SPTBN1: variants seen among roughly 807,000 people sequenced by gnomAD.
The protein encoded by SPTBN1 is spectrin beta, non-erythrocytic 1, also known as spectrin beta chain, non-erythrocytic 1.
A neutral mutation model predicts 266.4 loss-of-function variants in SPTBN1; 32 were observed. The observed-to-expected ratio is 0.12, with a 90% CI of 0.09 to 0.16. The LOEUF is 0.16. SPTBN1 is among the 10% of genes least tolerant of loss of function. The pLI, the probability that SPTBN1 is intolerant of heterozygous loss-of-function variation, is 1.00. For synonymous variants in SPTBN1, 1,336 were observed against 1,162.2 expected, an observed-to-expected ratio of 1.15 and a Z score of -3.04; for missense variants, 2,296 against 3,067.1, an observed-to-expected ratio of 0.75 and a Z score of 5.94.
Position 54,558,741 on chromosome 2 carries a change from T to A in SPTBN1, c.148+32175T>A. 3 of 1,597,452 alleles carry A rather than the reference T, an allele frequency of 1.9e-6. No homozygotes were observed. The highest frequency in any genetic ancestry group is 2.6e-6 in the Non-Finnish European group (3 of 1,168,752). On this transcript the variant is annotated intron_variant, in intron 2 of 35. Transcript: ENST00000356805. This position sits in a 1 kb window ranked among gnomAD's most constrained non-coding sequence, Gnocchi z 4.6. ...AGTGGGAGGGGGCTGGAGCGAGATT[T>A]CCAGGGCGCAGTCCTCCGGGGCGTT...
intron 2 of SPTBN1, among the ~76,000 whole-genome samples, chr2:54,592,935 T>C (rs552643931): frequency 6.6e-6 from 1 of 152,322 alleles, no homozygotes; most frequent in South Asian, 2.1e-4. Flanking sequence ...GCATCCCACC[T>C]ACCTAATAGT....
intron 2 of SPTBN1, among the ~76,000 whole-genome samples, chr2:54,594,883 G>C (rs920232042): frequency 7.7e-6 from 1 of 130,032 alleles, no homozygotes; most frequent in African/African-American, 3.4e-5. Context: ...TGCCAAGGCT[G>C]GAGTGCAATG....
rs560371704 is a variant in SPTBN1 at position 54,629,910 on chromosome 2, A to G, written c.2688A>G (p.Pro896=). The G allele has an allele frequency of 4.1e-4, 665 of 1,614,100 alleles. 4 individuals are homozygous for G. In the South Asian group the frequency reaches 6.8e-3, roughly 16 times the overall value. ...ATTTCAGATTTGAGAGCCTAGAACCAGAAATGAACAACCAGGCTTCCCGGG... is the reference window on the plus strand; with the variant it reads ...ATTTCAGATTTGAGAGCCTAGAACCGGAAATGAACAACCAGGCTTCCCGGG... ...VIQHRFESLE[P]EMNNQASRVA... Residue 896 remains proline, a synonymous_variant, in exon 15 of 36, where the codon CCA becomes CCG. Transcript: ENST00000356805.
intron 1 of SPTBN1, among the ~76,000 whole-genome samples, chr2:54,481,841 C>G (rs1461089579): frequency 2.6e-5 from 4 of 152,150 alleles, no homozygotes; most frequent in Non-Finnish European, 2.9e-5. Flanking sequence ...TAACTGGTAA[C>G]TTTCCAGAAA....
intron 1 of SPTBN1, among the ~76,000 whole-genome samples, chr2:54,520,972 A>G (rs1442463511): frequency 6.6e-6 from 1 of 152,076 alleles, no homozygotes; most frequent in Non-Finnish European, 1.5e-5. Flanking sequence ...GAGTTCCAAG[A>G]TGGCCAAGCC....
chr2:54,657,664 C>T (rs1389279063), intron 29 of SPTBN1, among the ~76,000 whole-genome samples, 186 bp from the exon 30 acceptor site: 1 of 152,110 alleles, frequency 6.6e-6, no homozygotes, highest in African/African-American at 2.4e-5. Flanking sequence ...AATGTGGCTA[C>T]TGGAAAAGTC....
intron 34 of SPTBN1, among the ~76,000 whole-genome samples, chr2:54,666,442 C>A (rs992819662): frequency 2.0e-5 from 3 of 152,226 alleles, no homozygotes; most frequent in African/African-American, 7.2e-5. Context: ...TTCAGCTTAT[C>A]CCGACCCAGG....
At chr2:54,621,579 T>A in intron 8 of SPTBN1, 67 bp downstream of exon 8, 1 of 1,346,140 alleles carries the variant, frequency 7.4e-7, no homozygotes, top group Admixed American at 1.7e-5. Flanking sequence ...CATTCTCCCA[T>A]GCACTCATAA....
intron 30 of SPTBN1, 75 bp downstream of exon 30, chr2:54,658,121 G>C: frequency 6.5e-7 from 1 of 1,534,196 alleles, no homozygotes. Flanking sequence ...TTAGACCAGG[G>C]AATTCACACG....
intron 1 of SPTBN1, among the ~76,000 whole-genome samples, chr2:54,471,350 CCTTT>C (rs1267725946): frequency 1.3e-5 from 2 of 152,196 alleles, no homozygotes; most frequent in South Asian, 2.1e-4. Flanking sequence ...GAGTGCTTAA[CCTTT>C]CTTTGGGCAG....
chr2:54,486,221 A>G (rs1446156383), intron 1 of SPTBN1, among the ~76,000 whole-genome samples: 3 of 152,072 alleles, frequency 2.0e-5, no homozygotes, highest in Non-Finnish European at 2.9e-5. Context: ...TGGGAGGTGT[A>G]CCCAACAGCT....
At chr2:54,624,398 T>G (rs928849932) in intron 10 of SPTBN1, among the ~76,000 whole-genome samples, 21 of 152,216 alleles carry the variant, frequency 1.4e-4, no homozygotes, top group Non-Finnish European at 2.8e-4. Context: ...GATGTGTAAA[T>G]TTTTTAAAAG....
intron 1 of SPTBN1, among the ~76,000 whole-genome samples, chr2:54,489,898 T>C (rs550171799): frequency 6.6e-6 from 1 of 152,300 alleles, no homozygotes; most frequent in Non-Finnish European, 1.5e-5. Flanking sequence ...TTTTTATCAG[T>C]TGGATTTTTC....
chr2:54,636,400 T>G (rs887402260), intron 17 of SPTBN1, among the ~76,000 whole-genome samples: 2 of 152,208 alleles, frequency 1.3e-5, no homozygotes, highest in Non-Finnish European at 1.5e-5. Context: ...TATGTATAAT[T>G]TCTACTGTTC....
At chr2:54,631,719 T>C (rs929265554) in intron 16 of SPTBN1, 108 bp downstream of exon 16, 30 of 1,383,064 alleles carry the variant, frequency 2.2e-5, no homozygotes, top group Non-Finnish European at 2.7e-5. Flanking sequence ...TATGGAATTA[T>C]ATGGATAATT....
chr2:54,591,829 C>G (rs771505868), intron 2 of SPTBN1, among the ~76,000 whole-genome samples: 14 of 152,224 alleles, frequency 9.2e-5, no homozygotes, highest in Non-Finnish European at 1.9e-4. Flanking sequence ...TAACTTGACT[C>G]ACGCTAACAC....
At chr2:54,591,787 C>T (rs1675701367) in intron 2 of SPTBN1, among the ~76,000 whole-genome samples, 1 of 152,206 alleles carries the variant, frequency 6.6e-6, no homozygotes, top group Non-Finnish European at 1.5e-5. Context: ...TCATGCAGTG[C>T]CCTTCTGCTC....
intron 24 of SPTBN1, among the ~76,000 whole-genome samples, chr2:54,648,780 C>T (rs984537550): frequency 1.3e-5 from 2 of 152,138 alleles, no homozygotes; most frequent in African/African-American, 2.4e-5. Flanking sequence ...CATATTGGCT[C>T]TTTTGTTTAC....
intron 2 of SPTBN1, among the ~76,000 whole-genome samples, chr2:54,589,978 A>C (rs182288161): frequency 6.6e-6 from 1 of 152,246 alleles, no homozygotes; most frequent in Non-Finnish European, 1.5e-5. Flanking sequence ...CAACAAATTA[A>C]GTCTTGTGAC....
Sources: gnomAD v4.1 joint callset for allele counts (sites outside exome capture counted in the v4.1 genomes callset) on GRCh38, gnomAD v4.1.1 for gene constraint, Gnocchi (gnomAD v3.1) non-coding constraint, MANE v1.5 for transcripts, NCBI Gene and HGNC (gene_info 2026-07-23, HGNC 2026-07-21) for gene names.